SGCZ: variants seen among roughly 807,000 people sequenced by gnomAD.
The protein encoded by SGCZ is sarcoglycan zeta, also known as zeta-sarcoglycan.
SGCZ carries 40 observed loss-of-function variants against 41.3 expected under a neutral mutation model. The ratio of observed to expected loss-of-function variants is 0.97; its 90% CI spans 0.75 to 1.26. SGCZ has a LOEUF of 1.26. Among genes scored for constraint, SGCZ ranks in the 50% most tolerant of loss-of-function variants. SGCZ has a pLI of 0.00. For missense variants in SGCZ, 552 were observed against 369.8 expected (o/e 1.49, Z -4.04); for synonymous variants, 206 against 137.5 (o/e 1.50, Z -3.49).
chr8:14,313,789 C>A (rs113676253), intron 3 of SGCZ, among the ~76,000 whole-genome samples: 2,184 of 152,250 alleles, frequency 0.014, 26 homozygotes, highest in Non-Finnish European at 0.024. Context: ...TCACACAAAT[C>A]TGGTACTTTA....
intron 2 of SGCZ, among the ~76,000 whole-genome samples, chr8:14,504,379 A>G (rs1391146236): frequency 6.6e-6 from 1 of 152,240 alleles, no homozygotes; most frequent in Non-Finnish European, 1.5e-5. Context: ...AATCGTGATT[A>G]AGGAAACCTT....
intron 3 of SGCZ, among the ~76,000 whole-genome samples, chr8:14,295,946 C>G (rs774947209): frequency 7.9e-5 from 12 of 152,238 alleles, no homozygotes; most frequent in Admixed American, 2.0e-4. Context: ...AGGGCCAGTG[C>G]TCTGCAAAGG....
intron 4 of SGCZ, among the ~76,000 whole-genome samples, chr8:14,234,914 C>G (rs1428279051): frequency 6.6e-6 from 1 of 152,142 alleles, no homozygotes; most frequent in Non-Finnish European, 1.5e-5. Flanking sequence ...TCAACCTTAT[C>G]TAATATCACA....
At chr8:14,327,153 G>A (rs1442113644) in intron 2 of SGCZ, among the ~76,000 whole-genome samples, 1 of 152,118 alleles carries the variant, frequency 6.6e-6, no homozygotes, top group African/African-American at 2.4e-5. Flanking sequence ...AAGAAATATG[G>A]CAATTATAAT....
intron 1 of SGCZ, among the ~76,000 whole-genome samples, chr8:15,196,914 C>T (rs966764145): frequency 6.6e-6 from 1 of 152,118 alleles, no homozygotes; most frequent in East Asian, 1.9e-4. Flanking sequence ...AGCTGGAGCC[C>T]GTATGTTTTT....
chr8:14,419,722 C>G (rs1799588475), intron 2 of SGCZ, among the ~76,000 whole-genome samples: 2 of 151,940 alleles, frequency 1.3e-5, no homozygotes, highest in Admixed American at 1.3e-4. Context: ...TTAAAATAAA[C>G]TAAACTTGCT....
chr8:14,708,391 G>C (rs956756471), intron 1 of SGCZ, among the ~76,000 whole-genome samples: 1 of 150,736 alleles, frequency 6.6e-6, no homozygotes, highest in Admixed American at 6.6e-5. Flanking sequence ...ACCAATCCCA[G>C]ATGAATATAT....
intron 1 of SGCZ, among the ~76,000 whole-genome samples, chr8:15,141,660 C>A (rs1176598004): frequency 1.3e-5 from 2 of 152,088 alleles, no homozygotes; most frequent in African/African-American, 2.4e-5. Context: ...TCCCAGCACT[C>A]TGGGAGGCCA....
At chr8:14,528,185 A>C (rs1198803479) in intron 2 of SGCZ, among the ~76,000 whole-genome samples, 1 of 152,102 alleles carries the variant, frequency 6.6e-6, no homozygotes, top group Non-Finnish European at 1.5e-5. Context: ...TTGATACCAA[A>C]TTATTTACTA....
intron 2 of SGCZ, among the ~76,000 whole-genome samples, chr8:14,405,566 G>C (rs1209789479): frequency 6.6e-6 from 1 of 151,734 alleles, no homozygotes; most frequent in Non-Finnish European, 1.5e-5. Context: ...CAAGAATTAT[G>C]CTTGCCTATG....
chr8:14,827,059 T>C (rs976559105), intron 1 of SGCZ, among the ~76,000 whole-genome samples: 2 of 152,006 alleles, frequency 1.3e-5, no homozygotes, highest in African/African-American at 2.4e-5. Context: ...AGGGTTTTTA[T>C]GGTTTTAGGT....
intron 1 of SGCZ, among the ~76,000 whole-genome samples, chr8:15,211,766 G>A (rs1801244267): frequency 2.6e-5 from 4 of 152,000 alleles, no homozygotes; most frequent in Non-Finnish European, 5.9e-5. Context: ...AATAACTACT[G>A]TTCATCAGCT....
intron 1 of SGCZ, among the ~76,000 whole-genome samples, chr8:15,027,637 G>A (rs1803507698): frequency 2.0e-5 from 3 of 152,014 alleles, no homozygotes. Flanking sequence ...GATATTGCAA[G>A]ATATAAAATT....
rs188671408 is a variant in SGCZ at position 14,446,011 on chromosome 8, G to A, written c.234+108721C>T. Among the ~76,000 whole-genome samples, 39 of 152,308 alleles carry A rather than the reference G, an allele frequency of 2.6e-4. 1 individual carries two copies. Among genetic ancestry groups the A allele is most frequent in the Admixed American group, 2.5e-3 (38 of 15,300 alleles). On this transcript the variant is annotated intron_variant, in intron 2 of 7. Coordinates refer to ENST00000382080, the MANE Select transcript of SGCZ (RefSeq NM_139167.4). ...TGCTCCCTCCTGCAAGGGGTTGAGT[G>A]AAGCGAGACAAGTAAAAGTTTGTCC...
At chr8:14,157,367 T>A (rs866833927) in intron 5 of SGCZ, among the ~76,000 whole-genome samples, 6 of 146,130 alleles carry the variant, frequency 4.1e-5, no homozygotes, top group Non-Finnish European at 9.1e-5. Context: ...TGTGTGTGAG[T>A]GTGTGTGTGT....
intron 3 of SGCZ, among the ~76,000 whole-genome samples, chr8:14,299,236 T>C (rs1801112098): frequency 6.6e-6 from 1 of 151,960 alleles, no homozygotes; most frequent in African/African-American, 2.4e-5. Flanking sequence ...GAGAACACGG[T>C]AGAAAATATT....
intron 2 of SGCZ, among the ~76,000 whole-genome samples, chr8:14,395,815 G>A (rs1355467560): frequency 1.3e-5 from 2 of 152,142 alleles, no homozygotes; most frequent in Non-Finnish European, 2.9e-5. Flanking sequence ...AAAGTTATCT[G>A]GCACATAATG....
chr8:14,971,651 T>TA (rs1801301312), intron 1 of SGCZ, among the ~76,000 whole-genome samples: 1 of 147,774 alleles, frequency 6.8e-6, no homozygotes, highest in African/African-American at 2.5e-5. Context: ...TATACTTTTT[T>TA]TTTTTTTTTT....
chr8:15,028,546 C>G (rs1032025200), intron 1 of SGCZ, among the ~76,000 whole-genome samples: 1 of 151,954 alleles, frequency 6.6e-6, no homozygotes, highest in Non-Finnish European at 1.5e-5. Context: ...GGAACACTAT[C>G]GTCTTTCTAA....
Sources: gnomAD v4.1 joint callset for allele counts (sites outside exome capture counted in the v4.1 genomes callset) on GRCh38, gnomAD v4.1.1 for gene constraint, MANE v1.5 for transcripts, NCBI Gene and HGNC (gene_info 2026-07-23, HGNC 2026-07-21) for gene names.